The following NUCB2 variants were observed in gnomAD, a reference collection of about 807,000 sequenced individuals.
NUCB2 encodes nucleobindin-2.
A neutral mutation model predicts 57.9 loss-of-function variants in NUCB2; 48 were observed. The ratio of observed to expected loss-of-function variants is 0.83; its 90% CI spans 0.66 to 1.05. The LOEUF (loss-of-function observed/expected upper bound fraction) is 1.05. Ranked by LOEUF, NUCB2 falls within the 50% of genes least tolerant of loss-of-function variation. NUCB2 has a pLI of 0.00. For missense variants in NUCB2, 442 were observed against 476.2 expected, an observed-to-expected ratio of 0.93 and a Z score of 0.67; for synonymous variants, 139 against 152.1, an observed-to-expected ratio of 0.91 and a Z score of 0.64.
chr11:17,282,238 A>G (rs753264527), intron 1 of NUCB2, among the ~76,000 whole-genome samples: 19,886 of 114,016 alleles, frequency 0.17, 2,408 homozygotes, highest in East Asian at 0.41. Context: ...CTATCTATCT[A>G]TATATATATA....
exon 3 of NUCB2, chr11:17,349,962 CAG>C (rs1278362227): frequency 3.3e-5 from 5 of 152,184 alleles, no homozygotes; most frequent in Non-Finnish European, 5.9e-5. Context: ...CACAGAAAGT[CAG>C]AGTTTTCCAT....
At chr11:17,319,385 G>A (rs1161727832) in intron 11 of NUCB2, among the ~76,000 whole-genome samples, 1 of 152,146 alleles carries the variant, frequency 6.6e-6, no homozygotes, top group African/African-American at 2.4e-5. Flanking sequence ...ATATCAGGAT[G>A]TTCAAGGCTT....
intron 11 of NUCB2, among the ~76,000 whole-genome samples, chr11:17,316,588 C>CT (rs1231652945): frequency 6.6e-6 from 1 of 152,130 alleles, no homozygotes; most frequent in Non-Finnish European, 1.5e-5. Context: ...AGGAATAGAA[C>CT]TATTCTTAAG....
chr11:17,333,832 A>G (rs1460639276), downstream of NUCB2: 2 of 152,244 alleles, frequency 1.3e-5, no homozygotes, highest in Non-Finnish European at 2.9e-5. Flanking sequence ...GACTTGGTCA[A>G]TTTATATGGT....
chr11:17,315,732 C>T (rs558403517), intron 11 of NUCB2, among the ~76,000 whole-genome samples: 161 of 151,848 alleles, frequency 1.1e-3, no homozygotes, highest in African/African-American at 1.5e-3. Flanking sequence ...AAATAGGATT[C>T]GTTATTGAAA....
intron 11 of NUCB2, among the ~76,000 whole-genome samples, chr11:17,329,250 T>C (rs910583637): frequency 6.6e-6 from 1 of 152,146 alleles, no homozygotes; most frequent in African/African-American, 2.4e-5. Flanking sequence ...TGCCTGAGGT[T>C]GGGGGAGGGG....
chr11:17,278,271 G>C (rs1941787888), intron 1 of NUCB2: 1 of 150,244 alleles, frequency 6.7e-6, no homozygotes, highest in South Asian at 2.1e-4. Flanking sequence ...CGCCTCCCGG[G>C]TTCAAGGGAT....
At chr11:17,337,882 G>A (rs1349105007) in intron 2 of NUCB2, among the ~76,000 whole-genome samples, 1 of 152,114 alleles carries the variant, frequency 6.6e-6, no homozygotes, top group African/African-American at 2.4e-5. Flanking sequence ...TGATCTGCCC[G>A]CCTCAGCCTC....
intron 2 of NUCB2, among the ~76,000 whole-genome samples, chr11:17,290,698 A>AAATCATGAT (rs1282610568): frequency 1.2e-4 from 19 of 152,268 alleles, no homozygotes; most frequent in African/African-American, 3.4e-4. Flanking sequence ...AAAAGAGACA[A>AAATCATGAT]AATCATGATA....
intron 11 of NUCB2, among the ~76,000 whole-genome samples, chr11:17,316,743 A>G (rs1472224302): frequency 6.6e-6 from 1 of 152,254 alleles, no homozygotes; most frequent in African/African-American, 2.4e-5. Flanking sequence ...ACCAAAATGG[A>G]TGGAAGAAAG....
rs182076378 is a variant in NUCB2, at chr11:17,309,508, G to A, written c.380-64G>A. 1.9e-4 allele frequency: 174 copies of A among 914,920 alleles called. 2 individuals carry two copies. The East Asian group carries it at 4.3e-3, about 23-fold the overall frequency. The allele number at this position is 914,920 out of a possible 1,614,324, so 56.7% of individuals were successfully genotyped here. Reference sequence around the variant, plus strand: ...AATAAATATGAAATCTTTTTCTTGTGTATAATTATTATGTTTCTAGCTTCT... The same window carrying A: ...AATAAATATGAAATCTTTTTCTTGTATATAATTATTATGTTTCTAGCTTCT... On this transcript the variant is annotated intron_variant, in intron 5 of 13. Transcript: ENST00000529010.
rs772733997 is a variant in NUCB2 at position 17,311,289 on chromosome 11, G to A, written c.760+6G>A. 4 of 1,543,766 alleles carry A rather than the reference G, an allele frequency of 2.6e-6. No individual in the cohort carries two copies. Among genetic ancestry groups the A allele is most frequent in the Middle Eastern group, 1.7e-4 (1 of 5,868 alleles). On this transcript the variant is annotated splice_donor_region_variant and intron_variant, in intron 8 of 13. Transcript: ENST00000529010. ...GACATTTTTCAAATTACATGGTAAC[G>A]ATTTGATACAAATATTAATATTTAT...
At chr11:17,310,354 TTGC>T (rs1948300596) in intron 6 of NUCB2, among the ~76,000 whole-genome samples, 1 of 152,156 alleles carries the variant, frequency 6.6e-6, no homozygotes, top group Non-Finnish European at 1.5e-5. Flanking sequence ...ATGACTAAAA[TTGC>T]TGGGCATGGT....
At chr11:17,314,089 C>T (rs898261787) in intron 10 of NUCB2, among the ~76,000 whole-genome samples, 1 of 152,038 alleles carries the variant, frequency 6.6e-6, no homozygotes, top group African/African-American at 2.4e-5. Context: ...AATCATAATT[C>T]ATCTAGTTGC....
intron 11 of NUCB2, chr11:17,317,462 C>T: frequency 4.0e-6 from 1 of 249,190 alleles, no homozygotes; most frequent in Non-Finnish European, 8.4e-6. Context: ...CAATACTACA[C>T]ACATGGTACT....
intron 11 of NUCB2, among the ~76,000 whole-genome samples, chr11:17,329,065 G>T (rs1951051702): frequency 6.6e-6 from 1 of 152,192 alleles, no homozygotes; most frequent in African/African-American, 2.4e-5. Context: ...GGCCAGCAGG[G>T]TATGTCTAGA....
At chr11:17,295,689 A>C in intron 3 of NUCB2, 1 of 491,188 alleles carries the variant, frequency 2.0e-6, no homozygotes, top group Admixed American at 3.9e-5. Context: ...GTTTACCATT[A>C]CACAATATTT....
intron 3 of NUCB2, 28 bp from the exon 4 acceptor site, chr11:17,296,076 G>T: frequency 7.4e-7 from 1 of 1,354,616 alleles, no homozygotes; most frequent in Non-Finnish European, 1.0e-6. Context: ...ACCTGCAGAA[G>T]CATTACTGTT....
At chr11:17,315,591 T>C (rs952641522) in intron 11 of NUCB2, 116 bp downstream of exon 11, 11 of 485,626 alleles carry the variant, frequency 2.3e-5, no homozygotes, top group Non-Finnish European at 3.6e-5. Flanking sequence ...TATCTTGGGA[T>C]TTTTATATAA....
Sources: gnomAD v4.1 joint callset for allele counts (sites outside exome capture counted in the v4.1 genomes callset) on GRCh38, gnomAD v4.1.1 for gene constraint, MANE v1.5 for transcripts, NCBI Gene and HGNC (gene_info 2026-07-23, HGNC 2026-07-21) for gene names.